NARS1: variants seen among roughly 807,000 people sequenced by gnomAD.
NARS1 encodes asparaginyl-tRNA synthetase 1.
NARS1 carries 65 observed loss-of-function variants against 79.2 expected under a neutral mutation model. That is an observed-to-expected ratio of 0.82 (90% CI 0.67 to 1.01). NARS1 has a LOEUF of 1.01. NARS1 is among the 50% of genes least tolerant of loss of function. The probability of loss-of-function intolerance (pLI) is 0.00; values close to 1 mark genes in which losing one functional copy is unlikely to be tolerated. For missense variants in NARS1, 649 were observed against 673.8 expected (o/e 0.96, Z 0.41); for synonymous variants, 229 against 238.8 (o/e 0.96, Z 0.38).
rs757582787 is a variant in NARS1 at position 57,607,590 on chromosome 18, G to C, written c.655C>G (p.Leu219Val). Residue 219 changes from leucine to valine, a missense_variant, in exon 8 of 14, where the codon CTG (leucine) becomes GTG (valine). By Grantham distance (32) the Leu-to-Val change is conservative. Coordinates refer to ENST00000256854, the MANE Select transcript of NARS1 (RefSeq NM_004539.4). ...GLAPAGGADN[L>V]INEESDVDVQ... ...TCAACGTCAGACTCCTCATTGATCA[G>C]GTTGTCAGCTCCTCCAGCAGGGGCC... is the stretch of plus-strand genomic sequence containing the variant. 1.2e-6 allele frequency: 2 copies of C among 1,614,098 alleles called. No individual in the cohort carries two copies. Among genetic ancestry groups the C allele is most frequent in the Non-Finnish European group, 1.7e-6 (2 of 1,180,028 alleles).
intron 2 of NARS1, among the ~76,000 whole-genome samples, chr18:57,617,435 G>C (rs1169740497): frequency 2.0e-5 from 3 of 151,772 alleles, no homozygotes; most frequent in Non-Finnish European, 4.4e-5. Context: ...AGCCGGGTGT[G>C]GTGGCGGGCA....
rs375605286 is a variant in NARS1, at chr18:57,609,309, CAATA to C, written c.579+44_579+47del. Reference sequence around the variant, plus strand: ...CAAACAAAGACACTGGAAAACAAACCAATAAATAAACTATTCATTCACCCAGTGC... The same window carrying C: ...CAAACAAAGACACTGGAAAACAAACCAATAAACTATTCATTCACCCAGTGC... On this transcript the variant is annotated intron_variant, in intron 7 of 13. Transcript: ENST00000256854. The C allele has an allele frequency of 1.1e-4, 160 of 1,444,056 alleles. 1 individual carries two copies. In the East Asian group the frequency reaches 1.8e-3, roughly 16 times the overall value. The allele number at this position is 1,444,056 out of a possible 1,614,324, so 89.5% of individuals were successfully genotyped here.
rs770602737 is a variant in NARS1 at position 57,605,850 on chromosome 18, T to A, written c.1251+7A>T. On this transcript the variant is annotated splice_region_variant and intron_variant, in intron 11 of 13. Coordinates refer to ENST00000256854, the MANE Select transcript of NARS1 (RefSeq NM_004539.4). Reference sequence around the variant, plus strand: ...CCTTGGAAACAATGAGAGAAAGGGATACATACTTCTCCAAATTCATAGAAA... The same window carrying A: ...CCTTGGAAACAATGAGAGAAAGGGAAACATACTTCTCCAAATTCATAGAAA... 6.4e-7 allele frequency: 1 copy of A among 1,563,702 alleles called. No individual in the cohort carries two copies. Among genetic ancestry groups the A allele is most frequent in the African/African-American group, 1.4e-5 (1 of 73,794 alleles).
Position 57,606,616 on chromosome 18 carries a change from C to T in NARS1, c.1137G>A (p.Pro379=), listed in dbSNP as rs371173446. 2.5e-6 allele frequency: 4 copies of T among 1,612,208 alleles called. No individual in the cohort carries two copies. Among genetic ancestry groups the T allele is most frequent in the Non-Finnish European group, 3.4e-6 (4 of 1,178,916 alleles). ...PAGSIVHELN[P]NFQPPKRPFK... ...TTCTTTCCATAAACACTGCACCTACCGGGTTGAGCTCATGCACTATGCTCC... is the reference window on the plus strand; with the variant it reads ...TTCTTTCCATAAACACTGCACCTACTGGGTTGAGCTCATGCACTATGCTCC... Residue 379 remains proline, a splice_region_variant and synonymous_variant, in exon 10 of 14, where the codon CCG becomes CCA. Coordinates refer to ENST00000256854, the MANE Select transcript of NARS1 (RefSeq NM_004539.4).
intron 4 of NARS1, 131 bp from the exon 5 acceptor site, chr18:57,613,811 A>G (rs1253750560): frequency 2.9e-6 from 2 of 689,964 alleles, no homozygotes; most frequent in East Asian, 2.7e-5. Flanking sequence ...CAGCCCCTCT[A>G]CTGCAGCTCA....
Position 57,602,843 on chromosome 18 carries a change from C to T in NARS1, c.1352G>A (p.Arg451Gln), listed in dbSNP as rs552069868. Reference protein sequence around the residue: ...PVEIKSFYMQRCPEDSRLTES... With the variant: ...PVEIKSFYMQQCPEDSRLTES... ...AGTAAGACGGGAATCCTCAGGACAT[C>T]GCTGCATGTAGAAGGACTTGATCTC... The change falls in exon 12 of 14, where the codon CGA becomes CAA. Residue 451 changes from arginine to glutamine, a missense_variant. Physicochemically the swap from Arg to Gln is conservative, Grantham distance 43 (BLOSUM62 1). Coordinates refer to ENST00000256854, the MANE Select transcript of NARS1 (RefSeq NM_004539.4). 1.3e-5 allele frequency: 21 copies of T among 1,614,050 alleles called. No homozygotes were observed. Among genetic ancestry groups the T allele is most frequent in the African/African-American group, 1.2e-4 (9 of 75,024 alleles).
chr18:57,613,789 C>T, intron 4 of NARS1, 109 bp from the exon 5 acceptor site: 1 of 855,350 alleles, frequency 1.2e-6, no homozygotes, highest in Non-Finnish European at 1.9e-6. Context: ...ACAAATGGTG[C>T]AAAACTGGAG....
intron 2 of NARS1, among the ~76,000 whole-genome samples, chr18:57,618,590 C>T (rs954733172): frequency 3.3e-5 from 5 of 152,106 alleles, no homozygotes; most frequent in Non-Finnish European, 7.4e-5. Flanking sequence ...TGAAAGATTT[C>T]CCCTTAAGAG....
At chr18:57,606,889 C>A (rs2051562392) in intron 9 of NARS1, 138 bp from the exon 10 acceptor site, 1 of 1,058,360 alleles carries the variant, frequency 9.4e-7, no homozygotes. Flanking sequence ...TAGCTGTGGA[C>A]TCCCCTCTTC....
intron 11 of NARS1, among the ~76,000 whole-genome samples, chr18:57,605,239 G>C (rs970784135): frequency 6.6e-6 from 1 of 151,568 alleles, no homozygotes; most frequent in Non-Finnish European, 1.5e-5. Flanking sequence ...GATAAAGAGA[G>C]CTTATAAGCT....
At chr18:57,614,503 T>C (rs1276139672) in intron 4 of NARS1, among the ~76,000 whole-genome samples, 1 of 147,802 alleles carries the variant, frequency 6.8e-6, no homozygotes, top group Non-Finnish European at 1.5e-5. Flanking sequence ...CTCTGTCTCA[T>C]AAATAAATAA....
chr18:57,609,765 A>T (rs531450325), intron 6 of NARS1, among the ~76,000 whole-genome samples: 1 of 152,330 alleles, frequency 6.6e-6, no homozygotes, highest in Admixed American at 6.5e-5. Context: ...CTAGACTATT[A>T]AAGTAACATA....
Position 57,601,760 on chromosome 18 carries a change from A to G in NARS1, c.1539T>C (p.His513=), listed in dbSNP as rs2051508783. The change falls in exon 14 of 14, where the codon CAT becomes CAC. Residue 513 remains histidine (H), a synonymous_variant. Transcript: ENST00000256854. ...TDQRKYGTCP[H]GGYGLGLERF... ...GTTCCAAGCCCAAGCCATATCCTCCATGGGGACATGTACCGTATTTTCTCT... is the reference window on the plus strand; with the variant it reads ...GTTCCAAGCCCAAGCCATATCCTCCGTGGGGACATGTACCGTATTTTCTCT... 6.2e-7 allele frequency: 1 copy of G among 1,613,320 alleles called. No individual in the cohort carries two copies. The highest frequency in any genetic ancestry group is 8.5e-7 in the Non-Finnish European group (1 of 1,179,366).
intron 11 of NARS1, among the ~76,000 whole-genome samples, chr18:57,603,504 TG>T (rs111502300): frequency 0.024 from 3,592 of 152,326 alleles, 141 homozygotes; most frequent in African/African-American, 0.082. Flanking sequence ...AATGTCAAAC[TG>T]GTAAGTGTAA....
intron 7 of NARS1, among the ~76,000 whole-genome samples, chr18:57,607,867 ATC>A (rs1254864531): frequency 6.6e-6 from 1 of 150,396 alleles, no homozygotes; most frequent in Non-Finnish European, 1.5e-5. Flanking sequence ...ACACACAAAT[ATC>A]TTTTTTTTTT....
chr18:57,612,135 A>T (rs922094980), intron 5 of NARS1, among the ~76,000 whole-genome samples: 10 of 152,178 alleles, frequency 6.6e-5, no homozygotes, highest in African/African-American at 2.2e-4. Context: ...CTGCCCCTGA[A>T]GTACCCACTG....
intron 2 of NARS1, among the ~76,000 whole-genome samples, chr18:57,619,278 T>TTC (rs1459697286): frequency 2.0e-5 from 3 of 150,852 alleles, no homozygotes; most frequent in Admixed American, 6.6e-5. Context: ...TTTTTTTTTT[T>TTC]TTTTTTTTTG....
chr18:57,604,184 C>T (rs2051534602), intron 11 of NARS1, among the ~76,000 whole-genome samples: 1 of 152,240 alleles, frequency 6.6e-6, no homozygotes, highest in Admixed American at 6.5e-5. Context: ...CTCAACTACA[C>T]TATTTTACTA....
chr18:57,618,002 C>G (rs749120349), intron 2 of NARS1, among the ~76,000 whole-genome samples: 1 of 150,152 alleles, frequency 6.7e-6, no homozygotes, highest in African/African-American at 2.5e-5. Flanking sequence ...AGGGGCCAGG[C>G]GCAGTGGCAC....
Sources: allele counts gnomAD v4.1 joint callset (sites outside exome capture counted in the v4.1 genomes callset), GRCh38; gene constraint gnomAD v4.1.1; transcripts MANE v1.5; gene names NCBI Gene and HGNC (gene_info 2026-07-23, HGNC 2026-07-21).